Variants in CCDC3 observed in about 807,000 individuals in gnomAD.
The protein encoded by CCDC3 is coiled-coil domain containing 3, also known as coiled-coil domain-containing protein 3.
A neutral mutation model predicts 21.4 loss-of-function variants in CCDC3; 24 were observed. That is an observed-to-expected ratio of 1.12 (90% CI 0.81 to 1.58). The LOEUF is 1.58. Ranked by LOEUF, CCDC3 falls within the 40% of genes most tolerant of loss-of-function variation. The pLI is 0.00. For synonymous variants in CCDC3, 186 were observed against 166.0 expected (o/e 1.12, Z -0.93); for missense variants, 425 against 360.9 (o/e 1.18, Z -1.44).
intron 5 of CCDC3, among the ~76,000 whole-genome samples, chr10:13,026,569 A>C (rs1156797477): frequency 6.6e-6 from 1 of 152,084 alleles, no homozygotes; most frequent in Non-Finnish European, 1.5e-5. Flanking sequence ...AATACCTGGG[A>C]TATATCTTTT....
At chr10:13,058,043 A>G in intron 4 of CCDC3, 4 of 746,028 alleles carry the variant, frequency 5.4e-6, no homozygotes, top group Non-Finnish European at 9.8e-6. Context: ...ATCTTCCTCC[A>G]TTAAGTAGCA....
intron 2 of CCDC3, among the ~76,000 whole-genome samples, chr10:12,916,921 T>C (rs1834366353): frequency 6.6e-6 from 1 of 152,152 alleles, no homozygotes; most frequent in African/African-American, 2.4e-5. Flanking sequence ...GCTACTGGGT[T>C]GGGCCCGGAG....
At chr10:13,016,630 C>T (rs1409316169) in intron 5 of CCDC3, among the ~76,000 whole-genome samples, 2 of 151,886 alleles carry the variant, frequency 1.3e-5, no homozygotes, top group Non-Finnish European at 2.9e-5. Context: ...TAACTACAGG[C>T]AGTGTGAAGG....
chr10:13,026,523 T>C (rs1454114463), intron 5 of CCDC3, among the ~76,000 whole-genome samples: 1 of 152,220 alleles, frequency 6.6e-6, no homozygotes, highest in Non-Finnish European at 1.5e-5. Flanking sequence ...GAGTGCTTCA[T>C]GTTTTATAAC....
At chr10:12,948,394 C>A (rs185167928) in intron 2 of CCDC3, among the ~76,000 whole-genome samples, 1 of 152,038 alleles carries the variant, frequency 6.6e-6, no homozygotes, top group African/African-American at 2.4e-5. Context: ...ATGGAGGAGA[C>A]CAGGGCCTCT....
intron 4 of CCDC3, among the ~76,000 whole-genome samples, chr10:13,063,217 C>A (rs1836781933): frequency 1.4e-5 from 1 of 71,300 alleles, no homozygotes; most frequent in African/African-American, 5.9e-5. Flanking sequence ...ATTACTCTTT[C>A]TCTATTGCAG....
intron 1 of CCDC3, among the ~76,000 whole-genome samples, chr10:13,000,621 A>T (rs1835832316): frequency 6.6e-6 from 1 of 152,166 alleles, no homozygotes; most frequent in Non-Finnish European, 1.5e-5. Context: ...CACCATTCAC[A>T]TCTTGGCATT....
intron 4 of CCDC3, among the ~76,000 whole-genome samples, chr10:13,066,277 C>G (rs1836819143): frequency 6.6e-6 from 1 of 152,178 alleles, no homozygotes; most frequent in South Asian, 2.1e-4. Flanking sequence ...CCCACCTCAG[C>G]CTCTGAGTAG....
At chr10:12,929,577 G>GC (rs372162745) in intron 2 of CCDC3, among the ~76,000 whole-genome samples, 6 of 152,060 alleles carry the variant, frequency 3.9e-5, no homozygotes, top group African/African-American at 1.4e-4. Flanking sequence ...AGCTCACTCT[G>GC]CCCCCCTCTG....
chr10:13,028,851 G>A (rs1183416048), intron 5 of CCDC3, among the ~76,000 whole-genome samples: 1 of 152,180 alleles, frequency 6.6e-6, no homozygotes, highest in East Asian at 1.9e-4. Context: ...TGAGAAGTAA[G>A]GAATTATTCT....
At chr10:12,975,939 C>T (rs1018527831) in intron 2 of CCDC3, among the ~76,000 whole-genome samples, 12 of 152,194 alleles carry the variant, frequency 7.9e-5, no homozygotes, top group Non-Finnish European at 1.8e-4. Context: ...AAGACACACT[C>T]TTCTACACTG....
intron 5 of CCDC3, among the ~76,000 whole-genome samples, chr10:13,009,533 T>C (rs558877703): frequency 5.8e-4 from 88 of 152,226 alleles, no homozygotes; most frequent in African/African-American, 2.1e-3. Flanking sequence ...TATAAAGCTA[T>C]AGTAAGCAAT....
At chr10:13,086,648 G>A (rs531357472) in intron 3 of CCDC3, among the ~76,000 whole-genome samples, 32 of 152,076 alleles carry the variant, frequency 2.1e-4, no homozygotes, top group Admixed American at 9.8e-4. Context: ...GGGTTTCACC[G>A]TGTTAGCCAG....
chr10:13,029,765 A>G (rs1836274657), intron 5 of CCDC3, among the ~76,000 whole-genome samples: 1 of 152,208 alleles, frequency 6.6e-6, no homozygotes, highest in African/African-American at 2.4e-5. Flanking sequence ...AATGAATCAA[A>G]CGAAGCGAGA....
intron 2 of CCDC3, among the ~76,000 whole-genome samples, chr10:12,927,407 C>G (rs1834560441): frequency 6.6e-6 from 1 of 152,200 alleles, no homozygotes; most frequent in Non-Finnish European, 1.5e-5. Flanking sequence ...AGCTAATACT[C>G]AGTACAACTG....
At chr10:13,029,267 C>T (rs926473733) in intron 5 of CCDC3, among the ~76,000 whole-genome samples, 17 of 152,262 alleles carry the variant, frequency 1.1e-4, no homozygotes, top group Middle Eastern at 3.4e-3. Flanking sequence ...CTGCAGCTGA[C>T]GGTCCTGACT....
chr10:13,029,435 C>G (rs1239265732), intron 5 of CCDC3, among the ~76,000 whole-genome samples: 1 of 152,160 alleles, frequency 6.6e-6, no homozygotes, highest in Non-Finnish European at 1.5e-5. Context: ...CTCTTCTCCT[C>G]CAAAGGAATG....
intron 2 of CCDC3, among the ~76,000 whole-genome samples, chr10:12,952,211 A>G (rs1054869453): frequency 1.8e-4 from 28 of 152,178 alleles, no homozygotes; most frequent in Non-Finnish European, 1.5e-5. Context: ...TGACCTCAGG[A>G]GGGAGAAGGT....
At chr10:12,976,496 T>C (rs1161781541) in intron 2 of CCDC3, among the ~76,000 whole-genome samples, 1 of 152,128 alleles carries the variant, frequency 6.6e-6, no homozygotes, top group East Asian at 1.9e-4. Context: ...GACACCTCCA[T>C]CACACAAAGC....
Sources: allele counts gnomAD v4.1 joint callset (sites outside exome capture counted in the v4.1 genomes callset), GRCh38; gene constraint gnomAD v4.1.1; transcripts MANE v1.5; gene names NCBI Gene and HGNC (gene_info 2026-07-23, HGNC 2026-07-21).